STS: variants seen among roughly 807,000 people sequenced by gnomAD.
The protein encoded by STS is steryl-sulfatase.
Under a neutral mutation model 26.8 loss-of-function variants are expected in STS, and 7 were observed. That is an observed-to-expected ratio of 0.26 (90% CI 0.15 to 0.49). The LOEUF is 0.49. Among genes scored for constraint, STS ranks in the 20% least tolerant of loss-of-function variants. The pLI is 0.98. For missense variants in STS, 434 were observed against 465.6 expected, an observed-to-expected ratio of 0.93 and a Z score of 0.63; for synonymous variants, 199 against 189.4, an observed-to-expected ratio of 1.05 and a Z score of -0.42.
At chrX:7,260,098 A>T (rs1473311566) in intron 6 of STS, among the ~76,000 whole-genome samples, 2 of 111,738 alleles carry the variant, frequency 1.8e-5, no homozygotes, top group African/African-American at 6.5e-5. Flanking sequence ...GATGGTCTCG[A>T]TCTCTTGACC....
intron 2 of STS, among the ~76,000 whole-genome samples, chrX:7,215,010 GTATA>G (rs202193627): frequency 8.1e-4 from 64 of 78,804 alleles, no homozygotes; most frequent in Admixed American, 2.3e-3. Context: ...ACATATATAC[GTATA>G]TATATATATT....
At chrX:7,212,305 A>G (rs1921066003) in intron 2 of STS, among the ~76,000 whole-genome samples, 1 of 110,542 alleles carries the variant, frequency 9.0e-6, no homozygotes, top group Non-Finnish European at 1.9e-5. Context: ...CCCCATCTCT[A>G]CTAAAAAATA....
At chrX:7,349,793 G>T (rs1315175498) in intron 10 of STS, 95 bp from the exon 11 acceptor site, 4 of 1,119,649 alleles carry the variant, frequency 3.6e-6, no homozygotes, top group Non-Finnish European at 4.9e-6. Flanking sequence ...CCTTCTTAAA[G>T]CACATGGCAG....
chrX:7,156,044 G>T (rs987472714), intron 1 of STS, among the ~76,000 whole-genome samples: 1 of 109,620 alleles, frequency 9.1e-6, no homozygotes, highest in Admixed American at 9.9e-5. Context: ...CCAGCTACTT[G>T]GGGGGACTGA....
intron 2 of STS, among the ~76,000 whole-genome samples, chrX:7,199,895 C>T (rs1934038193): frequency 9.1e-6 from 1 of 109,878 alleles, no homozygotes; most frequent in Non-Finnish European, 1.9e-5. Context: ...AAATAAATTA[C>T]CTAATAAAAC....
intron 7 of STS, among the ~76,000 whole-genome samples, chrX:7,286,859 C>G (rs1203603132): frequency 8.9e-6 from 1 of 111,938 alleles, no homozygotes; most frequent in African/African-American, 3.3e-5. Flanking sequence ...ATAGGATAGA[C>G]CATTTGTTAC....
intron 7 of STS, among the ~76,000 whole-genome samples, chrX:7,286,435 A>C (rs1381833191): frequency 3.6e-5 from 4 of 110,973 alleles, no homozygotes; most frequent in Non-Finnish European, 7.5e-5. Flanking sequence ...GATAATCATG[A>C]AATTGCAGAT....
At chrX:7,325,561 G>A in intron 9 of STS, 63 bp downstream of exon 9, 1 of 1,169,063 alleles carries the variant, frequency 8.6e-7, no homozygotes, top group East Asian at 3.0e-5. Context: ...GTATGCTCTG[G>A]TTTGCCTGCA....
chrX:7,298,962 C>CTATGTTT lies in STS; in HGVS notation c.944-6080_944-6074dup, dbSNP rs1473263887. ...CATATGTGATATAAAAATAAAACAC[C>CTATGTTT]TATGTTTTATATTATATATTAATAT... is the stretch of plus-strand genomic sequence containing the variant. On this transcript the variant is annotated intron_variant, in intron 7 of 10. Coordinates refer to ENST00000674429, the MANE Select transcript of STS (RefSeq NM_001320752.2). Among the ~76,000 whole-genome samples the CTATGTTT allele has an allele frequency of 9.6e-4, 92 of 95,347 alleles. 2 individuals carry two copies. Among genetic ancestry groups the CTATGTTT allele is most frequent in the Middle Eastern group, 6.0e-3 (1 of 166 alleles). 82.8% of individuals were successfully genotyped at this position (95,347 alleles called of 115,157 possible).
intron 1 of STS, 111 bp downstream of exon 1, chrX:7,148,194 C>T: frequency 1.6e-6 from 1 of 628,494 alleles, no homozygotes; most frequent in East Asian, 4.7e-5. Flanking sequence ...CACTGAGGAC[C>T]TTCTCGCGCG....
At chrX:7,317,462 T>G (rs1926767542) in intron 8 of STS, among the ~76,000 whole-genome samples, 1 of 110,445 alleles carries the variant, frequency 9.1e-6, no homozygotes, top group African/African-American at 3.3e-5. Context: ...TTGGTTTGTT[T>G]GTTTGTTTGT....
intron 7 of STS, among the ~76,000 whole-genome samples, chrX:7,286,928 A>G (rs184988722): frequency 8.9e-6 from 1 of 112,087 alleles, no homozygotes; most frequent in Admixed American, 9.5e-5. Context: ...AAGAAAATGA[A>G]TTTTTGGTAA....
intron 2 of STS, chrX:7,252,413 T>G: frequency 2.6e-6 from 1 of 382,025 alleles, no homozygotes. Flanking sequence ...CAGGCCTCTC[T>G]CTGGCTGGGA....
chrX:7,207,833 C>T (rs1472651450), intron 2 of STS, among the ~76,000 whole-genome samples: 6 of 112,062 alleles, frequency 5.4e-5, no homozygotes, highest in African/African-American at 1.6e-4. Context: ...ATCGGCTATT[C>T]GATAGCAGGC....
chrX:7,149,465 T>C (rs1932965003), intron 1 of STS, among the ~76,000 whole-genome samples: 1 of 111,852 alleles, frequency 8.9e-6, no homozygotes, highest in Non-Finnish European at 1.9e-5. Flanking sequence ...TTATGTGTTC[T>C]TAGAGGTGGT....
intron 8 of STS, among the ~76,000 whole-genome samples, chrX:7,305,747 C>G (rs1926182741): frequency 9.0e-6 from 1 of 111,599 alleles, no homozygotes; most frequent in African/African-American, 3.3e-5. Context: ...GTGTCTGTGT[C>G]CGACCTGTGC....
intron 1 of STS, among the ~76,000 whole-genome samples, chrX:7,186,951 ACCT>A (rs1381879064): frequency 9.0e-6 from 1 of 111,159 alleles, no homozygotes; most frequent in African/African-American, 3.3e-5. Context: ...TGCAACAAAG[ACCT>A]CAGCTCATTT....
intron 2 of STS, among the ~76,000 whole-genome samples, chrX:7,205,958 T>C (rs112626119): frequency 7.2e-5 from 8 of 110,749 alleles, no homozygotes; most frequent in African/African-American, 2.6e-4. Flanking sequence ...TGCATAATTG[T>C]CTTGTACCAC....
At chrX:7,245,817 G>A (rs1922840767) in intron 2 of STS, among the ~76,000 whole-genome samples, 1 of 111,991 alleles carries the variant, frequency 8.9e-6, no homozygotes, top group Admixed American at 9.4e-5. Flanking sequence ...AGCTGGGGAT[G>A]GGGGCTGAAG....
Sources: gnomAD v4.1 joint callset for allele counts (sites outside exome capture counted in the v4.1 genomes callset) on GRCh38, gnomAD v4.1.1 for gene constraint, MANE v1.5 for transcripts, NCBI Gene and HGNC (gene_info 2026-07-23, HGNC 2026-07-21) for gene names.